The following GUCY1A2 variants were observed in gnomAD, a reference collection of about 807,000 sequenced individuals.
GUCY1A2 encodes the protein guanylate cyclase 1 soluble subunit alpha 2.
Under a neutral mutation model 63.5 loss-of-function variants are expected in GUCY1A2, and 27 were observed. The observed-to-expected ratio is 0.43, with a 90% CI of 0.31 to 0.59. GUCY1A2 has a LOEUF of 0.59. Ranked by LOEUF, GUCY1A2 falls within the 20% of genes least tolerant of loss-of-function variation. GUCY1A2 has a pLI of 0.11. For synonymous variants in GUCY1A2, 364 were observed against 343.5 expected, an observed-to-expected ratio of 1.06 and a Z score of -0.66; for missense variants, 768 against 913.3, an observed-to-expected ratio of 0.84 and a Z score of 2.05.
At chr11:106,964,581 A>C (rs942515123) in intron 3 of GUCY1A2, among the ~76,000 whole-genome samples, 11 of 152,182 alleles carry the variant, frequency 7.2e-5, no homozygotes, top group Non-Finnish European at 1.5e-5. Context: ...CTGTTTTTCT[A>C]TCTCTCATTT....
At chr11:106,962,502 C>T (rs1861070987) in intron 3 of GUCY1A2, among the ~76,000 whole-genome samples, 1 of 149,834 alleles carries the variant, frequency 6.7e-6, no homozygotes, top group African/African-American at 2.5e-5. Flanking sequence ...TTGCAGTGAG[C>T]TGAGATCATG....
rs1357110269 is a variant in GUCY1A2 at position 106,679,809 on chromosome 11, T to A, written c.*7740A>T. The A allele has an allele frequency of 4.6e-6, 1 of 217,752 alleles. No individual in the cohort carries two copies. The highest frequency in any genetic ancestry group is 1.8e-4 in the South Asian group (1 of 5,408). The allele number at this position is 217,752 out of a possible 1,614,324, so 13.5% of individuals were successfully genotyped here. ...CTGACACTTTCATTTACCTTAATCA[T>A]TGTAACCAAGACTAGTTCTATCTGC... On this transcript the variant is annotated 3_prime_UTR_variant, in exon 8 of 8. Transcript: ENST00000526355.
intron 7 of GUCY1A2, among the ~76,000 whole-genome samples, chr11:106,689,580 A>G (rs1862585548): frequency 6.6e-6 from 1 of 152,230 alleles, no homozygotes; most frequent in African/African-American, 2.4e-5. Flanking sequence ...TCTGAAAATA[A>G]GACACACATG....
intron 1 of GUCY1A2, among the ~76,000 whole-genome samples, chr11:106,987,484 C>G (rs902867381): frequency 1.3e-5 from 2 of 152,086 alleles, no homozygotes; most frequent in Non-Finnish European, 2.9e-5. Flanking sequence ...AACCCTGTCT[C>G]TACTAAAAGT....
chr11:106,986,067 T>C lies in GUCY1A2; in HGVS notation c.365+3A>G, dbSNP rs1347773668. ...ATAATAACCGAAATCAATTTTTACTTACCCAATAACTTGATGTTCATAATA... is the reference window on the plus strand; with the variant it reads ...ATAATAACCGAAATCAATTTTTACTCACCCAATAACTTGATGTTCATAATA... On this transcript the variant is annotated splice_donor_region_variant and intron_variant, in intron 2 of 7. Coordinates refer to ENST00000526355, the MANE Select transcript of GUCY1A2 (RefSeq NM_000855.3). The C allele has an allele frequency of 2.9e-6, 4 of 1,387,180 alleles. No homozygotes were observed. The allele number at this position is 1,387,180 out of a possible 1,614,324, so 85.9% of individuals were successfully genotyped here. A position where few individuals can be genotyped will look rare whatever the true frequency, so the allele number is the denominator to read the frequency against.
Position 106,675,955 on chromosome 11 carries a change from G to A in GUCY1A2, c.*11594C>T, listed in dbSNP as rs9645655. ...TTTAAGACCCCTGAGGTACATAACA[G>A]AAAAGTCCAAATAAGAAATGAGAAC... On this transcript the variant is annotated 3_prime_UTR_variant, in exon 8 of 8. Transcript: ENST00000526355. 0.096 allele frequency: 18,133 copies of A among 189,206 alleles called. 1,186 individuals carry two copies. The highest frequency in any genetic ancestry group is 0.14 in the Non-Finnish European group (12,892 of 89,966). 11.7% of individuals were successfully genotyped at this position (189,206 alleles called of 1,614,324 possible). A position where few individuals can be genotyped will look rare whatever the true frequency, so the allele number is the denominator to read the frequency against.
At chr11:106,970,450 A>G (rs1214204604) in intron 3 of GUCY1A2, among the ~76,000 whole-genome samples, 1 of 152,232 alleles carries the variant, frequency 6.6e-6, no homozygotes, top group Non-Finnish European at 1.5e-5. Context: ...ACAAAACCAG[A>G]AAACAAAATT....
At chr11:106,804,440 T>C (rs76637364) in intron 5 of GUCY1A2, among the ~76,000 whole-genome samples, 3,996 of 152,308 alleles carry the variant, frequency 0.026, 161 homozygotes, top group African/African-American at 0.09. Flanking sequence ...AAATGGCATA[T>C]ACATATTTAT....
chr11:106,761,413 T>C (rs1376823339), intron 6 of GUCY1A2, among the ~76,000 whole-genome samples: 2 of 152,072 alleles, frequency 1.3e-5, no homozygotes, highest in Non-Finnish European at 2.9e-5. Context: ...CCCAGTTCAG[T>C]AAAGCAAAAA....
chr11:106,965,245 C>T (rs746681971), intron 3 of GUCY1A2, among the ~76,000 whole-genome samples: 2 of 151,856 alleles, frequency 1.3e-5, no homozygotes, highest in Non-Finnish European at 2.9e-5. Context: ...GTTGGCTAAG[C>T]GATTTGGAGT....
rs1247823743 is a variant in GUCY1A2, at chr11:106,676,044, T to C, written c.*11505A>G. On this transcript the variant is annotated 3_prime_UTR_variant, in exon 8 of 8. Transcript: ENST00000526355. ...TCCACAGAGGAACAAATCATGTTTT[T>C]TTCTGTATAATTTTCTATTAACACA... 2.1e-5 allele frequency: 4 copies of C among 186,252 alleles called. No individual in the cohort carries two copies. Among genetic ancestry groups the C allele is most frequent in the African/African-American group, 7.0e-5 (3 of 42,766 alleles). 11.5% of individuals were successfully genotyped at this position (186,252 alleles called of 1,614,324 possible). A position where few individuals can be genotyped will look rare whatever the true frequency, so the allele number is the denominator to read the frequency against.
At chr11:106,886,094 G>C (rs1438827880) in intron 4 of GUCY1A2, among the ~76,000 whole-genome samples, 1 of 152,158 alleles carries the variant, frequency 6.6e-6, no homozygotes, top group East Asian at 1.9e-4. Context: ...GATCACAAGA[G>C]AGCCACCACT....
chr11:106,892,169 T>C (rs60758124), intron 4 of GUCY1A2, among the ~76,000 whole-genome samples: 35,553 of 151,988 alleles, frequency 0.23, 4,295 homozygotes, highest in African/African-American at 0.3. Flanking sequence ...GTAAATGGCA[T>C]TTTAAAATTA....
chr11:106,911,158 T>C (rs1202397274), intron 4 of GUCY1A2, among the ~76,000 whole-genome samples: 3 of 151,934 alleles, frequency 2.0e-5, no homozygotes, highest in African/African-American at 4.8e-5. Context: ...ACATACTGAA[T>C]ACAAGCTGTA....
chr11:106,978,737 GTAAC>G lies in GUCY1A2; in HGVS notation c.366-1_368del. On this transcript the variant is annotated splice_acceptor_variant and coding_sequence_variant, in exon 3 of 8. Coordinates refer to ENST00000526355, the MANE Select transcript of GUCY1A2 (RefSeq NM_000855.3). LOFTEE classifies it high-confidence loss of function. ...TGTGGAAATTCTTTTCTGCATCCCT[GTAAC>G]TAAGAAGAAAACAAAATTAGCATAA... 1 of 1,594,326 alleles carries G rather than the reference GTAAC, an allele frequency of 6.3e-7. No individual in the cohort carries two copies. Among genetic ancestry groups the G allele is most frequent in the Non-Finnish European group, 8.5e-7 (1 of 1,172,152 alleles).
chr11:106,803,088 A>C (rs866791374), intron 5 of GUCY1A2, among the ~76,000 whole-genome samples: 1 of 152,150 alleles, frequency 6.6e-6, no homozygotes, highest in African/African-American at 2.4e-5. Context: ...TAGCCTTCTA[A>C]CTGTCTTCAG....
At chr11:106,928,152 C>A (rs2119933130) in intron 4 of GUCY1A2, among the ~76,000 whole-genome samples, 1 of 152,218 alleles carries the variant, frequency 6.6e-6, no homozygotes, top group South Asian at 2.1e-4. Context: ...AGTATGAGTT[C>A]TCCATATATG....
intron 1 of GUCY1A2, among the ~76,000 whole-genome samples, chr11:107,013,641 G>A (rs555295062): frequency 7.2e-5 from 11 of 152,130 alleles, no homozygotes; most frequent in South Asian, 2.1e-4. Flanking sequence ...TCCGCCTCCC[G>A]GGTTCAAGCG....
At chr11:106,981,491 A>T (rs1453131874) in intron 2 of GUCY1A2, among the ~76,000 whole-genome samples, 1 of 151,836 alleles carries the variant, frequency 6.6e-6, no homozygotes, top group East Asian at 1.9e-4. Context: ...AAAAAAAAAA[A>T]AGATAAAATT....
Sources: gnomAD v4.1 joint callset for allele counts (sites outside exome capture counted in the v4.1 genomes callset) on GRCh38, gnomAD v4.1.1 for gene constraint, MANE v1.5 for transcripts, NCBI Gene and HGNC (gene_info 2026-07-23, HGNC 2026-07-21) for gene names.